The following TATDN2 variants were observed in gnomAD, a reference collection of about 807,000 sequenced individuals.
The protein encoded by TATDN2 is 3'-5' RNA nuclease TATDN2.
Under a neutral mutation model 60.3 loss-of-function variants are expected in TATDN2, and 44 were observed. That is an observed-to-expected ratio of 0.73 (90% confidence interval 0.57 to 0.94). TATDN2 has a LOEUF of 0.94. Ranked by LOEUF, TATDN2 falls within the 40% of genes least tolerant of loss-of-function variation. TATDN2 has a pLI of 0.00. For synonymous variants in TATDN2, 399 were observed against 355.8 expected (o/e 1.12, Z -1.37); for missense variants, 997 against 948.0 (o/e 1.05, Z -0.68).
chr3:10,268,963 G>A (rs1698517726), intron 3 of TATDN2, among the ~76,000 whole-genome samples: 1 of 152,184 alleles, frequency 6.6e-6, no homozygotes, highest in East Asian at 1.9e-4. Flanking sequence ...CTGTGGGTCA[G>A]GAATTTGGAA....
chr3:10,265,231 C>T (rs1186164484), intron 3 of TATDN2, among the ~76,000 whole-genome samples: 2 of 150,310 alleles, frequency 1.3e-5, no homozygotes, highest in African/African-American at 2.4e-5. Context: ...CATGGACCAC[C>T]ATGCCTGGCT....
Position 10,274,304 on chromosome 3 carries a change from G to A in TATDN2, c.1834-2057G>A, listed in dbSNP as rs144903670. On this transcript the variant is annotated intron_variant, in intron 4 of 7. Coordinates refer to ENST00000448281, the MANE Select transcript of TATDN2 (RefSeq NM_014760.4). The stretch of plus-strand genomic sequence containing the variant: ...GTTATTGTTCCTTGGAAAATTGCAA[G>A]GTACAATACAATTGCAAGGAACAGT... Among the ~76,000 whole-genome samples the A allele has an allele frequency of 4.1e-3, 629 of 152,226 alleles. 2 individuals carry two copies. Among genetic ancestry groups the A allele is most frequent in the African/African-American group, 0.015 (608 of 41,530 alleles).
intron 3 of TATDN2, among the ~76,000 whole-genome samples, chr3:10,262,116 C>G (rs1016444395): frequency 6.6e-6 from 1 of 152,222 alleles, no homozygotes; most frequent in Non-Finnish European, 1.5e-5. Context: ...GCTGTAAAAT[C>G]CTTCTCAATA....
chr3:10,279,821 T>C lies in TATDN2; in HGVS notation c.*639T>C, dbSNP rs1698702273. On this transcript the variant is annotated 3_prime_UTR_variant, in exon 8 of 8. Transcript: ENST00000448281. ...GCTGGTCTCATTGGTTCCACTGCCA[T>C]TGATATGGGGGGGTGCAGAGGAGCA... is the stretch of plus-strand genomic sequence containing the variant. 6.5e-6 allele frequency: 1 copy of C among 153,224 alleles called. No individual in the cohort carries two copies. The highest frequency in any genetic ancestry group is 2.4e-5 in the African/African-American group (1 of 41,402). 9.5% of individuals were successfully genotyped at this position (153,224 alleles called of 1,614,324 possible).
chr3:10,279,290 G>T lies in TATDN2; in HGVS notation c.*108G>T, dbSNP rs1361035770. On this transcript the variant is annotated 3_prime_UTR_variant, in exon 8 of 8. Transcript: ENST00000448281. ...GTCTCAGGTCGAGGATGTGTTTAGA[G>T]AGCTGATTGGAACACAGAAAACCAG... 1 of 339,188 alleles carries T rather than the reference G, an allele frequency of 2.9e-6. No homozygotes were observed. Among genetic ancestry groups the T allele is most frequent in the Non-Finnish European group, 5.5e-6 (1 of 182,334 alleles). The allele number at this position is 339,188 out of a possible 1,614,324, so 21.0% of individuals were successfully genotyped here.
chr3:10,268,019 T>C (rs958348155), intron 3 of TATDN2, among the ~76,000 whole-genome samples: 1 of 152,220 alleles, frequency 6.6e-6, no homozygotes, highest in Non-Finnish European at 1.5e-5. Flanking sequence ...TTCTCCCTTA[T>C]AGATAAGTTT....
chr3:10,260,121 G>T lies in TATDN2; in HGVS notation c.415-16G>T, dbSNP rs1270332232. 6 of 1,387,256 alleles carry T rather than the reference G, an allele frequency of 4.3e-6. No individual in the cohort carries two copies. The highest frequency in any genetic ancestry group is 2.6e-5 in the East Asian group (1 of 38,508). 85.9% of individuals were successfully genotyped at this position (1,387,256 alleles called of 1,614,324 possible). A position where few individuals can be genotyped will look rare whatever the true frequency, so the allele number is the denominator to read the frequency against. Reference sequence around the variant, plus strand: ...CCCTTGGAACAGCCCTTTCAATTCTGTTTTTTTTTTCCCAGGTTGATTCCA... The same window carrying T: ...CCCTTGGAACAGCCCTTTCAATTCTTTTTTTTTTTTCCCAGGTTGATTCCA... On this transcript the variant is annotated splice_polypyrimidine_tract_variant and intron_variant, in intron 2 of 7. Coordinates refer to ENST00000448281, the MANE Select transcript of TATDN2 (RefSeq NM_014760.4).
intron 2 of TATDN2, among the ~76,000 whole-genome samples, chr3:10,258,893 A>T (rs1394745146): frequency 6.6e-6 from 1 of 150,664 alleles, no homozygotes; most frequent in Non-Finnish European, 1.5e-5. Flanking sequence ...TTTTTGAGAT[A>T]GGGTCTCACT....
intron 2 of TATDN2, among the ~76,000 whole-genome samples, chr3:10,258,416 T>C (rs964810887): frequency 2.6e-5 from 4 of 152,074 alleles, no homozygotes; most frequent in Non-Finnish European, 5.9e-5. Flanking sequence ...TAGCTGGGAC[T>C]ATAGGCATGT....
rs756152536 is a variant in TATDN2, at chr3:10,270,448, C to T, written c.1266C>T (p.Asn422=). ...GCCGCATGAGTGATTATTCCCCCAA[C>T]TCTACAGGGAGTGTCCAAAACACCT... ...SRSRMSDYSP[N]STGSVQNTSR... Residue 422 remains asparagine (N), a synonymous_variant, in exon 4 of 8, where the codon AAC becomes AAT. Coordinates refer to ENST00000448281, the MANE Select transcript of TATDN2 (RefSeq NM_014760.4). 6 of 1,614,244 alleles carry T rather than the reference C, an allele frequency of 3.7e-6. No homozygotes were observed. Among genetic ancestry groups the T allele is most frequent in the Non-Finnish European group, 5.1e-6 (6 of 1,180,042 alleles).
chr3:10,253,816 G>C (rs763441092), intron 2 of TATDN2, among the ~76,000 whole-genome samples: 1 of 152,216 alleles, frequency 6.6e-6, no homozygotes. Flanking sequence ...GCACTGGGCA[G>C]ATGAGATTCA....
intron 5 of TATDN2, among the ~76,000 whole-genome samples, chr3:10,276,839 G>A (rs555312866): frequency 6.6e-6 from 1 of 152,226 alleles, no homozygotes; most frequent in East Asian, 1.9e-4. Flanking sequence ...TGCCTGCCTC[G>A]GCCTCCCAAA....
Position 10,270,577 on chromosome 3 carries a change from C to G in TATDN2, c.1395C>G (p.Phe465Leu), listed in dbSNP as rs772309558. 1.2e-6 allele frequency: 2 copies of G among 1,614,240 alleles called. No homozygotes were observed. Among genetic ancestry groups the G allele is most frequent in the East Asian group, 2.2e-5 (1 of 44,894 alleles). ...EEREVKEKRT[F>L]QEEMPPRPCG... ...GAGAGGTGAAGGAGAAAAGAACATT[C>G]CAAGAGGAGATGCCTCCGCGTCCTT... is the stretch of plus-strand genomic sequence containing the variant. The change falls in exon 4 of 8, where the codon TTC becomes TTG. Residue 465 changes from phenylalanine to leucine, a missense_variant. Physicochemically the swap from Phe to Leu is conservative, Grantham distance 22. Transcript: ENST00000448281.
At chr3:10,257,297 T>TAC (rs1277079966) in intron 2 of TATDN2, among the ~76,000 whole-genome samples, 2 of 145,342 alleles carry the variant, frequency 1.4e-5, no homozygotes, top group African/African-American at 5.0e-5. Flanking sequence ...AAAAAAATTA[T>TAC]ATATATATAT....
intron 3 of TATDN2, among the ~76,000 whole-genome samples, chr3:10,267,044 C>T (rs1465541904): frequency 2.6e-5 from 4 of 151,024 alleles, no homozygotes; most frequent in South Asian, 4.2e-4. Context: ...CTCAGCCTCC[C>T]GAGCAGCTGG....
chr3:10,251,682 G>A (rs1371558688), intron 2 of TATDN2, among the ~76,000 whole-genome samples: 2 of 151,810 alleles, frequency 1.3e-5, no homozygotes, highest in African/African-American at 2.4e-5. Flanking sequence ...CACCATGCCC[G>A]GCCAATTGTA....
At chr3:10,260,807 G>T in intron 3 of TATDN2, 137 bp downstream of exon 3, 4 of 986,808 alleles carry the variant, frequency 4.1e-6, no homozygotes, top group South Asian at 3.7e-5. Context: ...ACAAACTGAT[G>T]GTTTTCTTCT....
chr3:10,257,612 C>CAAAAAAAAAAAAAAAAAAAAAAAAA (rs919342302), intron 2 of TATDN2, among the ~76,000 whole-genome samples: 3 of 108,284 alleles, frequency 2.8e-5, no homozygotes, highest in Non-Finnish European at 3.8e-5. Flanking sequence ...AAAAAAAAAA[C>CAAAAAAAAAAAAAAAAAAAAAAAAA]AAAAAAAAAA....
chr3:10,248,583 C>T lies in TATDN2; in HGVS notation c.-491C>T. On this transcript the variant is annotated 5_prime_UTR_variant, in exon 1 of 8. Coordinates refer to ENST00000448281, the MANE Select transcript of TATDN2 (RefSeq NM_014760.4). ...CTGTAGGGCTGGGGCAGGCGGCGGGCTGCCCGGCGGGACAGCTGCGGCAGC... is the reference window on the plus strand; with the variant it reads ...CTGTAGGGCTGGGGCAGGCGGCGGGTTGCCCGGCGGGACAGCTGCGGCAGC... 1 of 152,064 alleles carries T rather than the reference C, an allele frequency of 6.6e-6. No individual in the cohort carries two copies. The allele number at this position is 152,064 out of a possible 1,614,324, so 9.4% of individuals were successfully genotyped here.
Sources: gnomAD v4.1 joint callset for allele counts (sites outside exome capture counted in the v4.1 genomes callset) on GRCh38, gnomAD v4.1.1 for gene constraint, MANE v1.5 for transcripts, NCBI Gene and HGNC (gene_info 2026-07-23, HGNC 2026-07-21) for gene names.